BANK1: variants seen among roughly 807,000 people sequenced by gnomAD.
The protein encoded by BANK1 is B-cell scaffold protein with ankyrin repeats.
Under a neutral mutation model 94.5 loss-of-function variants are expected in BANK1, and 95 were observed. The observed-to-expected ratio is 1.00, with a 90% CI of 0.85 to 1.19. BANK1 has a LOEUF of 1.19. BANK1 is among the 50% of genes most tolerant of loss of function. The pLI is 0.00. For synonymous variants in BANK1, 334 were observed against 308.4 expected (o/e 1.08, Z -0.87); for missense variants, 987 against 932.2 (o/e 1.06, Z -0.77).
chr4:101,955,006 A>G (rs572056236), intron 7 of BANK1, among the ~76,000 whole-genome samples: 33 of 152,290 alleles, frequency 2.2e-4, no homozygotes, highest in African/African-American at 7.9e-4. Context: ...AAAAGAAAAA[A>G]ACCTTTCTTA....
chr4:102,047,020 A>G (rs949455598), intron 11 of BANK1, among the ~76,000 whole-genome samples: 1 of 152,174 alleles, frequency 6.6e-6, no homozygotes, highest in Non-Finnish European at 1.5e-5. Flanking sequence ...GAATAAAACC[A>G]GGAAATTGTT....
chr4:101,943,734 CAG>C (rs1379629466), intron 7 of BANK1, among the ~76,000 whole-genome samples: 1 of 151,810 alleles, frequency 6.6e-6, no homozygotes, highest in Non-Finnish European at 1.5e-5. Context: ...GGAACCTTAA[CAG>C]AGCACAGTTT....
chr4:101,921,797 ATG>A (rs1247847959), intron 7 of BANK1, among the ~76,000 whole-genome samples: 1 of 151,796 alleles, frequency 6.6e-6, no homozygotes, highest in Non-Finnish European at 1.5e-5. Flanking sequence ...AATTTTCTTC[ATG>A]AATATAATAA....
At chr4:101,956,014 A>G (rs1724323512) in intron 7 of BANK1, among the ~76,000 whole-genome samples, 1 of 152,224 alleles carries the variant, frequency 6.6e-6, no homozygotes, top group Non-Finnish European at 1.5e-5. Context: ...AAAGAAAAAT[A>G]AAATATTTCC....
At chr4:101,840,979 G>A (rs1457746647) in intron 2 of BANK1, among the ~76,000 whole-genome samples, 3 of 152,186 alleles carry the variant, frequency 2.0e-5, no homozygotes, top group East Asian at 3.9e-4. Context: ...GGCATGCGCC[G>A]TCACGCCCAG....
chr4:102,002,452 A>G (rs1373295280), intron 7 of BANK1, among the ~76,000 whole-genome samples: 1 of 152,066 alleles, frequency 6.6e-6, no homozygotes, highest in Non-Finnish European at 1.5e-5. Context: ...TGCAGTGCCT[A>G]CTACATAGTA....
At chr4:102,073,662 C>G (rs1250054232) in intron 15 of BANK1, 22 bp from the exon 16 acceptor site, 2 of 1,605,376 alleles carry the variant, frequency 1.2e-6, no homozygotes, top group East Asian at 2.2e-5. Flanking sequence ...AATACTAGCT[C>G]TATATCTTTA....
intron 3 of BANK1, among the ~76,000 whole-genome samples, chr4:101,855,394 T>A (rs1727645210): frequency 6.6e-6 from 1 of 152,190 alleles, no homozygotes; most frequent in Non-Finnish European, 1.5e-5. Context: ...GTTATTTTTT[T>A]AATAGATATT....
intron 6 of BANK1, among the ~76,000 whole-genome samples, chr4:101,903,094 C>T (rs1452447275): frequency 2.0e-5 from 3 of 152,142 alleles, no homozygotes; most frequent in Non-Finnish European, 4.4e-5. Flanking sequence ...AAGTATAGGG[C>T]GTCTGGAAAA....
At chr4:101,794,191 T>G (rs1220965197) in intron 1 of BANK1, among the ~76,000 whole-genome samples, 2 of 152,050 alleles carry the variant, frequency 1.3e-5, no homozygotes, top group Non-Finnish European at 2.9e-5. Context: ...GTGCTCTGTT[T>G]TCTCATATCT....
Position 101,955,476 on chromosome 4 carries a change from T to A in BANK1, c.1206+37287T>A, listed in dbSNP as rs75876806. ...CCACATAGTTAGAGCCAGTGTCTTTTTTTTTCCTTTGATGCCATGAATTTT... is the reference window on the plus strand; with the variant it reads ...CCACATAGTTAGAGCCAGTGTCTTTATTTTTCCTTTGATGCCATGAATTTT... On this transcript the variant is annotated intron_variant, in intron 7 of 16. Coordinates refer to ENST00000322953, the MANE Select transcript of BANK1 (RefSeq NM_017935.5). Among the ~76,000 whole-genome samples the A allele has an allele frequency of 4.7e-3, 710 of 152,286 alleles. 13 individuals carry two copies. In the East Asian group the frequency reaches 0.057, roughly 12 times the overall value.
At chr4:101,961,809 C>G (rs1223445159) in intron 7 of BANK1, among the ~76,000 whole-genome samples, 1 of 152,126 alleles carries the variant, frequency 6.6e-6, no homozygotes, top group Non-Finnish European at 1.5e-5. Context: ...TTGCCTTACC[C>G]TTCATCTCTC....
intron 5 of BANK1, among the ~76,000 whole-genome samples, chr4:101,886,268 G>C (rs1241102789): frequency 6.6e-6 from 1 of 152,158 alleles, no homozygotes; most frequent in Non-Finnish European, 1.5e-5. Context: ...CTTTGTTCCA[G>C]TTGCCACTAG....
At chr4:101,840,247 C>T (rs578114812) in intron 2 of BANK1, among the ~76,000 whole-genome samples, 8 of 151,990 alleles carry the variant, frequency 5.3e-5, no homozygotes, top group South Asian at 2.1e-4. Context: ...GCATCACAGG[C>T]GTGAGCCACC....
chr4:101,867,764 A>G (rs1191068090), intron 4 of BANK1, among the ~76,000 whole-genome samples: 3 of 134,098 alleles, frequency 2.2e-5, no homozygotes, highest in African/African-American at 8.7e-5. Context: ...AAAAAAATAA[A>G]TATAAATAAA....
intron 1 of BANK1, among the ~76,000 whole-genome samples, chr4:101,822,986 G>A (rs1255219525): frequency 6.6e-6 from 1 of 152,132 alleles, no homozygotes; most frequent in African/African-American, 2.4e-5. Context: ...ATTGTGAATT[G>A]TGCTGCAGTG....
chr4:101,939,578 T>C (rs1186876527), intron 7 of BANK1, among the ~76,000 whole-genome samples: 1 of 151,636 alleles, frequency 6.6e-6, no homozygotes, highest in African/African-American at 2.4e-5. Context: ...GAGAGAGACA[T>C]GGGCTTTTAA....
chr4:102,022,972 T>C (rs1726965702), intron 8 of BANK1, among the ~76,000 whole-genome samples: 1 of 152,212 alleles, frequency 6.6e-6, no homozygotes. Context: ...CACCCTACTC[T>C]TCATTTCACT....
Position 102,057,473 on chromosome 4 carries a change from C to G in BANK1, c.1970-2738C>G, listed in dbSNP as rs142619895. Among the ~76,000 whole-genome samples, 1,405 of 152,170 alleles carry G rather than the reference C, an allele frequency of 9.2e-3. 23 individuals carry two copies. The highest frequency in any genetic ancestry group is 0.031 in the African/African-American group (1,290 of 41,496). ...TTCCAGGCTCAAGCAATCCTCCCACCTCAGCCTCCCGAGTAGCTGGGACTA... is the reference window on the plus strand; with the variant it reads ...TTCCAGGCTCAAGCAATCCTCCCACGTCAGCCTCCCGAGTAGCTGGGACTA... On this transcript the variant is annotated intron_variant, in intron 11 of 16. Transcript: ENST00000322953.
Sources: gnomAD v4.1 joint callset for allele counts (sites outside exome capture counted in the v4.1 genomes callset) on GRCh38, gnomAD v4.1.1 for gene constraint, MANE v1.5 for transcripts, NCBI Gene and HGNC (gene_info 2026-07-23, HGNC 2026-07-21) for gene names.